The following IL15 variants were observed in gnomAD, a reference collection of about 807,000 sequenced individuals.
IL15 encodes the protein interleukin-15.
A neutral mutation model predicts 19.6 loss-of-function variants in IL15; 11 were observed. That is an observed-to-expected ratio of 0.56 (90% CI 0.35 to 0.93). The LOEUF is 0.93. IL15 is among the 40% of genes least tolerant of loss of function. The pLI is 0.01. For missense variants in IL15, 197 were observed against 186.5 expected, an observed-to-expected ratio of 1.06 and a Z score of -0.33; for synonymous variants, 58 against 59.6, an observed-to-expected ratio of 0.97 and a Z score of 0.12.
intron 2 of IL15, among the ~76,000 whole-genome samples, chr4:141,688,236 T>C (rs543471638): frequency 6.6e-6 from 1 of 152,302 alleles, no homozygotes; most frequent in South Asian, 2.1e-4. Context: ...GTATCCTCCC[T>C]TCCCTGACAT....
chr4:141,669,877 A>G (rs1728112588), intron 2 of IL15, among the ~76,000 whole-genome samples: 1 of 151,778 alleles, frequency 6.6e-6, no homozygotes, highest in African/African-American at 2.4e-5. Flanking sequence ...CAGAGCCTTG[A>G]CTGAGATATT....
At chr4:141,702,365 G>T (rs1729349540) in intron 2 of IL15, among the ~76,000 whole-genome samples, 1 of 152,196 alleles carries the variant, frequency 6.6e-6, no homozygotes, top group Non-Finnish European at 1.5e-5. Context: ...ACTCTGGGCT[G>T]GTGATGGAGA....
intron 2 of IL15, among the ~76,000 whole-genome samples, chr4:141,690,912 A>G (rs1283666535): frequency 6.6e-6 from 1 of 152,164 alleles, no homozygotes; most frequent in Non-Finnish European, 1.5e-5. Context: ...CCACTCTGCC[A>G]GGAAAGCGCT....
At chr4:141,694,173 G>A (rs1370288214) in intron 2 of IL15, among the ~76,000 whole-genome samples, 1 of 152,212 alleles carries the variant, frequency 6.6e-6, no homozygotes, top group African/African-American at 2.4e-5. Flanking sequence ...AGATGTGGAA[G>A]TCCTCTGGTG....
At chr4:141,706,115 G>T (rs186589737) in intron 2 of IL15, among the ~76,000 whole-genome samples, 111 of 151,490 alleles carry the variant, frequency 7.3e-4, no homozygotes, top group African/African-American at 2.5e-3. Context: ...TTCTGGTTAT[G>T]GTTATTTCGT....
intron 2 of IL15, among the ~76,000 whole-genome samples, chr4:141,675,041 T>A (rs1728295473): frequency 6.6e-6 from 1 of 152,130 alleles, no homozygotes; most frequent in South Asian, 2.1e-4. Flanking sequence ...GTTGGCAGAA[T>A]TAAATTCCAC....
At chr4:141,711,367 TAGTGTGCTATTTAGGA>T (rs1174748160) in intron 2 of IL15, among the ~76,000 whole-genome samples, 1 of 152,066 alleles carries the variant, frequency 6.6e-6, no homozygotes, top group Non-Finnish European at 1.5e-5. Context: ...GGGGTAAAAT[TAGTGTGCTATTTAGGA>T]TAGTATTTAT....
intron 2 of IL15, among the ~76,000 whole-genome samples, chr4:141,689,187 A>G (rs1728814403): frequency 6.6e-6 from 1 of 152,164 alleles, no homozygotes. Context: ...AGTGAGCAGT[A>G]ACAAGATTAA....
rs144881654 is a variant in IL15 at position 141,672,480 on chromosome 4, A to T, written c.-100+16173A>T. Among the ~76,000 whole-genome samples the T allele has an allele frequency of 2.0e-5, 3 of 152,298 alleles. No homozygotes were observed. In the East Asian group the frequency reaches 5.8e-4, roughly 29 times the overall value. ...AACTAGACAGCCTTACTTTTCAAAC[A>T]CCGCACCGCAAAGTATTATGTTGTT... On this transcript the variant is annotated intron_variant, in intron 2 of 7. Transcript: ENST00000320650.
chr4:141,667,617 T>C (rs1193803206), intron 2 of IL15, among the ~76,000 whole-genome samples: 3 of 152,314 alleles, frequency 2.0e-5, no homozygotes, highest in South Asian at 4.1e-4. Flanking sequence ...GTGTCTTGTC[T>C]GGCCAGCAAG....
chr4:141,715,227 CCAAGCAGATT>C (rs1222535531), intron 2 of IL15: 1 of 152,456 alleles, frequency 6.6e-6, no homozygotes, highest in Non-Finnish European at 1.5e-5. Context: ...CACTGCTACC[CCAAGCAGATT>C]CAGGTCCTCC....
At chr4:141,677,680 G>A (rs1338071067) in intron 2 of IL15, among the ~76,000 whole-genome samples, 1 of 152,118 alleles carries the variant, frequency 6.6e-6, no homozygotes, top group African/African-American at 2.4e-5. Context: ...AACCAGCAAT[G>A]GCATGTTGAA....
intron 2 of IL15, among the ~76,000 whole-genome samples, chr4:141,693,352 G>A (rs1399094360): frequency 6.6e-6 from 1 of 152,096 alleles, no homozygotes; most frequent in East Asian, 1.9e-4. Context: ...ATTTGGGTGG[G>A]AACACAGAGC....
In IL15 at chr4:141,689,034, C is replaced by T. The variant is rs191416407; in HGVS notation, c.-99-30332C>T. ...TCAGGAGTGAAGCTACAGACCTTCGCGGTGAGTGTTACAGCTCTTAAGGTG... is the reference window on the plus strand; with the variant it reads ...TCAGGAGTGAAGCTACAGACCTTCGTGGTGAGTGTTACAGCTCTTAAGGTG... On this transcript the variant is annotated intron_variant, in intron 2 of 7. Transcript: ENST00000320650. 7.2e-3 allele frequency: 1,109 copies of T among 153,940 alleles called. 56 individuals are homozygous for T. Among genetic ancestry groups the T allele is most frequent in the Admixed American group, 0.067 (1,028 of 15,300 alleles). The allele number at this position is 153,940 out of a possible 1,614,324, so 9.5% of individuals were successfully genotyped here.
At chr4:141,725,063 A>G (rs2639718) in intron 5 of IL15, among the ~76,000 whole-genome samples, 1 of 152,270 alleles carries the variant, frequency 6.6e-6, no homozygotes, top group East Asian at 1.9e-4. Context: ...TTAACAAATC[A>G]AATTCAGCAA....
chr4:141,720,215 A>G (rs1730026380), intron 3 of IL15, among the ~76,000 whole-genome samples: 2 of 152,144 alleles, frequency 1.3e-5, no homozygotes, highest in South Asian at 4.1e-4. Flanking sequence ...AAATATGTCA[A>G]CTTTGTTAAA....
At chr4:141,712,380 T>G (rs1729741618) in intron 2 of IL15, among the ~76,000 whole-genome samples, 1 of 152,078 alleles carries the variant, frequency 6.6e-6, no homozygotes, top group Non-Finnish European at 1.5e-5. Context: ...TGGAGAATTA[T>G]ACTAGCTGGG....
chr4:141,713,115 G>C (rs778420668), intron 2 of IL15, among the ~76,000 whole-genome samples: 3 of 152,168 alleles, frequency 2.0e-5, no homozygotes, highest in Non-Finnish European at 4.4e-5. Flanking sequence ...ATTGAATACA[G>C]ATTAAGTTTG....
intron 2 of IL15, among the ~76,000 whole-genome samples, chr4:141,682,884 A>G (rs950070018): frequency 1.3e-5 from 2 of 151,886 alleles, no homozygotes; most frequent in Admixed American, 6.6e-5. Flanking sequence ...CCCGGGAGGC[A>G]GAGTCTGCAG....
Sources: allele counts gnomAD v4.1 joint callset (sites outside exome capture counted in the v4.1 genomes callset), GRCh38; gene constraint gnomAD v4.1.1; transcripts MANE v1.5; gene names NCBI Gene and HGNC (gene_info 2026-07-23, HGNC 2026-07-21).